SCARA3: variants seen among roughly 807,000 people sequenced by gnomAD.
The protein encoded by SCARA3 is cellular stress response gene protein.
SCARA3 carries 39 observed loss-of-function variants against 47.0 expected under a neutral mutation model. That is an observed-to-expected ratio of 0.83 (90% CI 0.64 to 1.08). The LOEUF (loss-of-function observed/expected upper bound fraction) is 1.08, where lower values mean the gene tolerates loss of function less well. SCARA3 is among the 50% of genes least tolerant of loss of function. The pLI is 0.00. For synonymous variants in SCARA3, 356 were observed against 334.1 expected (o/e 1.07, Z -0.71); for missense variants, 724 against 792.3 (o/e 0.91, Z 1.04).
chr8:27,676,851 G>A (rs937245491), downstream of SCARA3: 15 of 300,750 alleles, frequency 5.0e-5, 1 homozygote, highest in African/African-American at 2.4e-4. Flanking sequence ...ACTCTGTTGC[G>A]TCCAACACTC....
At chr8:27,732,633 T>C in the SCARA3 span, among the ~76,000 whole-genome samples, 1 of 152,236 alleles carries the variant, frequency 6.6e-6, no homozygotes. Context: ...TCTAAATTTT[T>C]CTGTATAAAA....
chr8:27,644,885 G>T (rs772096247), intron 1 of SCARA3, among the ~76,000 whole-genome samples: 6 of 152,042 alleles, frequency 3.9e-5, no homozygotes, highest in Non-Finnish European at 5.9e-5. Context: ...ACATACAGGT[G>T]GTATTGAAAA....
At chr8:27,682,141 T>C in the SCARA3 span, among the ~76,000 whole-genome samples, 4 of 152,136 alleles carry the variant, frequency 2.6e-5, no homozygotes, top group African/African-American at 9.7e-5. Flanking sequence ...TAATAGTCAA[T>C]TGCATTTTTA....
chr8:27,720,944 C>G, the SCARA3 span, among the ~76,000 whole-genome samples: 3 of 152,090 alleles, frequency 2.0e-5, no homozygotes, highest in Non-Finnish European at 4.4e-5. Flanking sequence ...ATCTATTCAT[C>G]CATCCACCTA....
At chr8:27,646,621 G>T (rs1801498720) in intron 1 of SCARA3, among the ~76,000 whole-genome samples, 2 of 152,186 alleles carry the variant, frequency 1.3e-5, no homozygotes, top group Non-Finnish European at 2.9e-5. Flanking sequence ...CCCCACGGTA[G>T]CCCCGGGGCA....
intron 5 of SCARA3, among the ~76,000 whole-genome samples, chr8:27,665,520 G>A (rs1304084146): frequency 1.3e-5 from 2 of 152,148 alleles, no homozygotes; most frequent in Admixed American, 6.5e-5. Context: ...GACCTGGGGC[G>A]GGGCTTTTGG....
rs1487560301 is a variant in SCARA3, at chr8:27,672,040, G to A, written c.*689G>A. The stretch of plus-strand genomic sequence containing the variant: ...TGAAAAGCCCCAAGGAAACCTTTGC[G>A]GGTGGGGCGTTACTGCCAAAACTCC... On this transcript the variant is annotated 3_prime_UTR_variant, in exon 6 of 6. Coordinates refer to ENST00000301904, the MANE Select transcript of SCARA3 (RefSeq NM_016240.3). The A allele has an allele frequency of 4.9e-5, 48 of 985,226 alleles. No homozygotes were observed. Among genetic ancestry groups the A allele is most frequent in the Non-Finnish European group, 5.5e-5 (46 of 829,944 alleles). The allele number at this position is 985,226 out of a possible 1,614,324, so 61.0% of individuals were successfully genotyped here. A position where few individuals can be genotyped will look rare whatever the true frequency, so the allele number is the denominator to read the frequency against.
chr8:27,677,150 G>T (rs1802290512), downstream of SCARA3, among the ~76,000 whole-genome samples: 1 of 152,196 alleles, frequency 6.6e-6, no homozygotes, highest in African/African-American at 2.4e-5. Context: ...TTCTTGAGTT[G>T]CAACTAGCTT....
At chr8:27,692,810 A>G in the SCARA3 span, among the ~76,000 whole-genome samples, 43 of 152,196 alleles carry the variant, frequency 2.8e-4, no homozygotes, top group African/African-American at 9.2e-4. Context: ...TTAGATAATA[A>G]CTTAACTCTT....
At chr8:27,660,647 G>GATAGATAGATAA (rs1801884043) in intron 5 of SCARA3, among the ~76,000 whole-genome samples, 1 of 149,444 alleles carries the variant, frequency 6.7e-6, no homozygotes, top group South Asian at 2.2e-4. Context: ...TAGATAGATA[G>GATAGATAGATAA]ATAGATAGAT....
Position 27,671,208 on chromosome 8 carries a change from C to G in SCARA3, c.1678C>G (p.Pro560Ala). Residue 560 changes from proline (P) to alanine (A), a missense_variant, in exon 6 of 6, where the codon CCT becomes GCT. Pro to Ala is a conservative substitution (Grantham distance 27, BLOSUM62 -1). Coordinates refer to ENST00000301904, the MANE Select transcript of SCARA3 (RefSeq NM_016240.3). Reference protein sequence around the residue: ...GPPGSPGPSGPQGKPGIAGKT... With the variant: ...GPPGSPGPSGAQGKPGIAGKT... ...CCCGGGGTCTCCAGGGCCCTCAGGG[C>G]CTCAGGGAAAACCGGGAATTGCAGG... 6.6e-7 allele frequency: 1 copy of G among 1,509,256 alleles called. No homozygotes were observed. The highest frequency in any genetic ancestry group is 1.3e-5 in the South Asian group (1 of 77,722). 93.5% of individuals were successfully genotyped at this position (1,509,256 alleles called of 1,614,324 possible).
At chr8:27,689,916 G>A in the SCARA3 span, among the ~76,000 whole-genome samples, 72 of 152,274 alleles carry the variant, frequency 4.7e-4, no homozygotes, top group Non-Finnish European at 8.4e-4. Flanking sequence ...TTGAGGCCAG[G>A]AATTCAAGAC....
chr8:27,712,942 A>G, the SCARA3 span, among the ~76,000 whole-genome samples: 1 of 152,226 alleles, frequency 6.6e-6, no homozygotes, highest in African/African-American at 2.4e-5. Flanking sequence ...ACATTTGAGC[A>G]TAAGTTGTTA....
chr8:27,654,827 A>G (rs1801710349), intron 3 of SCARA3, among the ~76,000 whole-genome samples: 2 of 152,124 alleles, frequency 1.3e-5, no homozygotes, highest in African/African-American at 4.8e-5. Context: ...GAAAAAAGAA[A>G]TGAACAGGTG....
At chr8:27,670,078 G>A (rs35678784) in intron 5 of SCARA3, among the ~76,000 whole-genome samples, 16,150 of 152,198 alleles carry the variant, frequency 0.11, 959 homozygotes, top group East Asian at 0.26. Flanking sequence ...AGGAAGGGCC[G>A]TATCTTCATC....
At chr8:27,643,337 A>C (rs1233352063) in intron 1 of SCARA3, among the ~76,000 whole-genome samples, 3 of 152,210 alleles carry the variant, frequency 2.0e-5, no homozygotes. Context: ...AGCCTGTCTC[A>C]GAGCAGCAGA....
chr8:27,671,588 A>G lies in SCARA3; in HGVS notation c.*237A>G, dbSNP rs1403503683. The G allele has an allele frequency of 3.2e-6, 4 of 1,252,052 alleles. No homozygotes were observed. Among genetic ancestry groups the G allele is most frequent in the South Asian group, 3.7e-5 (1 of 27,262 alleles). 77.6% of individuals were successfully genotyped at this position (1,252,052 alleles called of 1,614,324 possible). ...CATGCATGCACACACATGCACACAT[A>G]CACGCACATGCACACATACACATGC... is the stretch of plus-strand genomic sequence containing the variant. On this transcript the variant is annotated 3_prime_UTR_variant, in exon 6 of 6. Coordinates refer to ENST00000301904, the MANE Select transcript of SCARA3 (RefSeq NM_016240.3).
intron 1 of SCARA3, among the ~76,000 whole-genome samples, chr8:27,647,646 C>A (rs888033182): frequency 6.6e-6 from 1 of 152,182 alleles, no homozygotes. Context: ...GCCGCATGGA[C>A]AGGAGAGGAG....
chr8:27,698,809 T>G, the SCARA3 span, among the ~76,000 whole-genome samples: 3 of 152,168 alleles, frequency 2.0e-5, no homozygotes, highest in African/African-American at 7.2e-5. Flanking sequence ...AGGATGGGCA[T>G]GATCTTTATA....
Sources: gnomAD v4.1 joint callset for allele counts (sites outside exome capture counted in the v4.1 genomes callset) on GRCh38, gnomAD v4.1.1 for gene constraint, MANE v1.5 for transcripts, NCBI Gene and HGNC (gene_info 2026-07-23, HGNC 2026-07-21) for gene names.